Variants in NEB observed in about 807,000 individuals in gnomAD.
The protein encoded by NEB is nebulin.
NEB carries 512 observed loss-of-function variants against 952.2 expected under a neutral mutation model. The observed-to-expected ratio is 0.54, with a 90% confidence interval of 0.50 to 0.58. The LOEUF is 0.58. Among genes scored for constraint, NEB ranks in the 20% least tolerant of loss-of-function variants. The pLI is 0.00. For synonymous variants in NEB, 2,900 were observed against 3,149.8 expected (o/e 0.92, Z 2.66); for missense variants, 8,428 against 9,231.1 (o/e 0.91, Z 3.56).
chr2:151,711,587 G>A lies in NEB; in HGVS notation c.823-1049C>T, dbSNP rs144460445. ...GTAAATAAATAGCCAACTGGTTTTC[G>A]TAGCTATAAATTTTAGAGTCCTGGG... On this transcript the variant is annotated intron_variant, in intron 10 of 181. Transcript: ENST00000397345. Among the ~76,000 whole-genome samples, 192 of 152,162 alleles carry A rather than the reference G, an allele frequency of 1.3e-3. 2 individuals carry two copies. Among genetic ancestry groups the A allele is most frequent in the Admixed American group, 2.4e-3 (36 of 15,282 alleles).
intron 181 of NEB, among the ~76,000 whole-genome samples, chr2:151,489,404 A>G (rs546421187): frequency 6.6e-6 from 1 of 152,290 alleles, no homozygotes; most frequent in South Asian, 2.1e-4. Context: ...ACATCTATAC[A>G]TTCTTGATTT....
At position 151,499,290 on chromosome 2, in the gene NEB, T is replaced by TTAAA. The variant is rs1427403460; in HGVS notation, c.24114+4_24114+7dup. 6 of 1,405,766 alleles carry TTAAA rather than the reference T, an allele frequency of 4.3e-6. No individual in the cohort carries two copies. Among genetic ancestry groups the TTAAA allele is most frequent in the African/African-American group, 1.4e-5 (1 of 69,142 alleles). The allele number at this position is 1,405,766 out of a possible 1,614,324, so 87.1% of individuals were successfully genotyped here. On this transcript the variant is annotated splice_region_variant and intron_variant, in intron 169 of 181. Transcript: ENST00000397345. ...AAATAATTAAAGGGATTTTTTATTT[T>TTAAA]TAAATACCGAACTAAAGTTTTCTTG...
In NEB at chr2:151,666,138, A is replaced by G. The variant is rs1420378434; in HGVS notation, c.4983T>C (p.Asp1661=). Residue 1661 remains aspartate, a synonymous_variant, in exon 41 of 182, where the codon GAT becomes GAC. Transcript: ENST00000397345. ...TCCTGGAGTGCTCCACATTCAAGGCATCGGGCAGGAGAGTGTAGTGGTGGT... is the reference window on the plus strand; with the variant it reads ...TCCTGGAGTGCTCCACATTCAAGGCGTCGGGCAGGAGAGTGTAGTGGTGGT... ...QSYHHYTLLP[D]ALNVEHSRNA... 16 of 1,613,726 alleles carry G rather than the reference A, an allele frequency of 9.9e-6. No homozygotes were observed. The highest frequency in any genetic ancestry group is 1.4e-5 in the Non-Finnish European group (16 of 1,179,784).
In NEB at chr2:151,619,743, T is replaced by C. The variant is rs2098336428; in HGVS notation, c.10580A>G (p.Tyr3527Cys). 6.2e-7 allele frequency: 1 copy of C among 1,611,518 alleles called. No individual in the cohort carries two copies. Among genetic ancestry groups the C allele is most frequent in the Non-Finnish European group, 8.5e-7 (1 of 1,177,880 alleles). ...IASDYKYKEA[Y>C]RKQLGHHIGA... is the part of the protein sequence containing the mutation. ...AATGTGGTGACCCAACTGTTTACGA[T>C]ATGCTTCTTTGTATTTGTACTGAAA... Residue 3527 changes from tyrosine to cysteine, a missense_variant, in exon 73 of 182, where the codon TAT becomes TGT. Transcript: ENST00000397345.
At chr2:151,719,294 G>A (rs1160754009) in intron 9 of NEB, among the ~76,000 whole-genome samples, 1 of 152,168 alleles carries the variant, frequency 6.6e-6, no homozygotes, top group African/African-American at 2.4e-5. Flanking sequence ...AGGCCATGGG[G>A]GAATGTCTCA....
At chr2:151,512,540 G>A (rs148442805) in intron 161 of NEB, among the ~76,000 whole-genome samples, 193 bp downstream of exon 161, 40 of 151,758 alleles carry the variant, frequency 2.6e-4, no homozygotes, top group East Asian at 1.6e-3. Context: ...TCTCAAACTC[G>A]TGGACTTAAA....
At chr2:151,700,031 G>A (rs1440265909) in intron 13 of NEB, among the ~76,000 whole-genome samples, 25 of 100,726 alleles carry the variant, frequency 2.5e-4, no homozygotes, top group African/African-American at 8.1e-4. Context: ...ATCTTGAATT[G>A]ATTTTTGTAT....
chr2:151,678,241 A>G (rs2099387141), intron 32 of NEB, 54 bp from the exon 33 acceptor site: 2 of 1,155,208 alleles, frequency 1.7e-6, no homozygotes, highest in African/African-American at 1.5e-5. Context: ...GGGCTTTACT[A>G]AACAATGAGG....
In NEB at chr2:151,639,854, C is replaced by G; in HGVS notation, c.8889+3G>C. The G allele has an allele frequency of 6.2e-7, 1 of 1,610,384 alleles. No homozygotes were observed. On this transcript the variant is annotated splice_donor_region_variant and intron_variant, in intron 62 of 181. Coordinates refer to ENST00000397345, the MANE Select transcript of NEB (RefSeq NM_001164508.2). ...ACTTCGATTCTTAATTTTGAAGTCT[C>G]ACCTTGTTCATAGTGATGGCATTAT... is the stretch of plus-strand genomic sequence containing the variant.
intron 9 of NEB, among the ~76,000 whole-genome samples, chr2:151,718,369 C>T (rs1396722073): frequency 2.0e-5 from 3 of 152,090 alleles, no homozygotes; most frequent in Non-Finnish European, 4.4e-5. Context: ...GCTCTGTGCC[C>T]AATACTCTAT....
In NEB at chr2:151,524,299, C is replaced by CAT. The variant is rs1436224567; in HGVS notation, c.22479+10_22479+11dup. On this transcript the variant is annotated intron_variant, in intron 153 of 181. Coordinates refer to ENST00000397345, the MANE Select transcript of NEB (RefSeq NM_001164508.2). ...CTCACATGAGAGCCACCAGTGCACCCATCTGCATTACCTGGCTGCTCAGCT... is the reference window on the plus strand; with the variant it reads ...CTCACATGAGAGCCACCAGTGCACCCATATCTGCATTACCTGGCTGCTCAGCT... The CAT allele has an allele frequency of 6.2e-7, 1 of 1,607,708 alleles. No individual in the cohort carries two copies. The highest frequency in any genetic ancestry group is 1.3e-5 in the African/African-American group (1 of 74,836).
In NEB at chr2:151,568,639, T is replaced by C. The variant is rs776672428; in HGVS notation, c.17613A>G (p.Gln5871=). The C allele has an allele frequency of 6.2e-7, 1 of 1,609,126 alleles. No individual in the cohort carries two copies. The highest frequency in any genetic ancestry group is 8.5e-7 in the Non-Finnish European group (1 of 1,177,558). The part of the protein sequence containing the change: ...DDRVDYVTAK[Q]SGEILDDIKY... Reference sequence around the variant, plus strand: ...TTACATCATCGAGGATCTCGCCACTTTGTTTCGCTGTCACATAATCAACTC... The same window carrying C: ...TTACATCATCGAGGATCTCGCCACTCTGTTTCGCTGTCACATAATCAACTC... Residue 5871 remains glutamine, a synonymous_variant, in exon 111 of 182, where the codon CAA becomes CAG. Transcript: ENST00000397345.
In NEB at chr2:151,503,369, T is replaced by G. The variant is rs1201981281; in HGVS notation, c.23815A>C (p.Asn7939His). The G allele has an allele frequency of 6.2e-7, 1 of 1,611,774 alleles. No homozygotes were observed. The highest frequency in any genetic ancestry group is 8.5e-7 in the Non-Finnish European group (1 of 1,178,196). ...AATACCGAGCTAAAGTTCTCTTGAT[T>G]GCGTTTGACTCTCTCAATCTCTGGA... ...VTPEIERVKR[N>H]QENFSSVLYK... Residue 7939 changes from asparagine to histidine, a missense_variant, in exon 166 of 182, where the codon AAT becomes CAT. By Grantham distance (68) the Asn-to-His change is moderately conservative. Around this residue, in one of 11 missense-constraint regions of NEB, gnomAD observed 3,374 missense variants for 3,651.5 expected, o/e 0.92. Coordinates refer to ENST00000397345, the MANE Select transcript of NEB (RefSeq NM_001164508.2).
intron 52 of NEB, among the ~76,000 whole-genome samples, 182 bp from the exon 53 acceptor site, chr2:151,651,067 C>G (rs912499329): frequency 1.3e-5 from 2 of 152,036 alleles, no homozygotes; most frequent in African/African-American, 4.8e-5. Context: ...TTTACAGGTA[C>G]ATGCCACCTC....
At chr2:151,571,629 C>T (rs929782160) in intron 107 of NEB, among the ~76,000 whole-genome samples, 10 of 151,908 alleles carry the variant, frequency 6.6e-5, no homozygotes, top group Non-Finnish European at 8.8e-5. Flanking sequence ...GATTGGATGT[C>T]ACAGCTATTT....
At chr2:151,568,238 G>A (rs2096495359) in intron 112 of NEB, 60 bp from the exon 113 acceptor site, 1 of 1,586,122 alleles carries the variant, frequency 6.3e-7, no homozygotes, top group South Asian at 1.1e-5. Context: ...GGGGTAAGTT[G>A]TGTGCATAAT....
chr2:151,707,253 G>T (rs2099710072), intron 12 of NEB, among the ~76,000 whole-genome samples: 1 of 152,116 alleles, frequency 6.6e-6, no homozygotes, highest in Admixed American at 6.5e-5. Flanking sequence ...CTGGCTTGGG[G>T]ACAGATATAA....
intron 142 of NEB, 112 bp from the exon 143 acceptor site, chr2:151,533,658 T>G (rs2092371943): frequency 1.5e-6 from 1 of 671,766 alleles, no homozygotes; most frequent in Admixed American, 2.3e-5. Flanking sequence ...ACACACTTTA[T>G]GTACTCACAT....
intron 10 of NEB, among the ~76,000 whole-genome samples, chr2:151,716,457 A>C (rs1053009162): frequency 6.6e-6 from 1 of 152,130 alleles, no homozygotes; most frequent in Non-Finnish European, 1.5e-5. Flanking sequence ...CTTTCAATGG[A>C]TCATGTATTT....
Sources: allele counts gnomAD v4.1 joint callset (sites outside exome capture counted in the v4.1 genomes callset), GRCh38; gene constraint gnomAD v4.1.1; regional missense constraint gnomAD v4.1.1; transcripts MANE v1.5; gene names NCBI Gene and HGNC (gene_info 2026-07-23, HGNC 2026-07-21).